Variants in NELL2 observed in about 807,000 individuals in gnomAD.
NELL2 encodes protein kinase C-binding protein NELL2.
In NELL2, 41 loss-of-function variants were observed where a neutral mutation model predicts 109.6. The ratio of observed to expected loss-of-function variants is 0.37; its 90% CI spans 0.29 to 0.49. The LOEUF (loss-of-function observed/expected upper bound fraction) is 0.49, where lower values mean the gene tolerates loss of function less well. Ranked by LOEUF, NELL2 falls within the 20% of genes least tolerant of loss-of-function variation. NELL2 has a pLI of 0.98. For missense variants in NELL2, 900 were observed against 1,008.3 expected (o/e 0.89, Z 1.45); for synonymous variants, 355 against 344.7 (o/e 1.03, Z -0.33).
At chr12:44,715,372 T>C (rs1398073512) in intron 9 of NELL2, among the ~76,000 whole-genome samples, 1 of 151,110 alleles carries the variant, frequency 6.6e-6, no homozygotes, top group Non-Finnish European at 1.5e-5. Context: ...GGGAAAAATA[T>C]GTTTTTAATC....
chr12:44,624,057 C>G (rs780792164), intron 13 of NELL2, among the ~76,000 whole-genome samples: 1 of 152,028 alleles, frequency 6.6e-6, no homozygotes, highest in African/African-American at 2.4e-5. Flanking sequence ...ATGAGTGCAG[C>G]AAACCACCAT....
At chr12:44,634,094 A>T (rs1946552219) in intron 13 of NELL2, among the ~76,000 whole-genome samples, 2 of 152,164 alleles carry the variant, frequency 1.3e-5, no homozygotes, top group South Asian at 2.1e-4. Context: ...ACATGAAATA[A>T]CCTGAAAATT....
intron 7 of NELL2, among the ~76,000 whole-genome samples, chr12:44,776,692 T>A (rs768605902): frequency 2.0e-5 from 3 of 152,216 alleles, no homozygotes; most frequent in Non-Finnish European, 4.4e-5. Flanking sequence ...ATTTCTTTGA[T>A]ACAATTCTGG....
chr12:44,682,889 C>T (rs1482442040), intron 12 of NELL2, among the ~76,000 whole-genome samples: 1 of 152,160 alleles, frequency 6.6e-6, no homozygotes, highest in Non-Finnish European at 1.5e-5. Context: ...TTAGGATTGA[C>T]ATGGCAATGC....
chr12:44,736,596 T>C (rs181031927), intron 9 of NELL2, among the ~76,000 whole-genome samples: 3 of 151,682 alleles, frequency 2.0e-5, no homozygotes, highest in Non-Finnish European at 4.4e-5. Flanking sequence ...TTTGCTAACA[T>C]GTGGCTCTGA....
intron 13 of NELL2, among the ~76,000 whole-genome samples, chr12:44,640,730 G>T (rs573889475): frequency 2.0e-5 from 3 of 151,762 alleles, no homozygotes; most frequent in Non-Finnish European, 4.4e-5. Flanking sequence ...AGGAACAAGG[G>T]GACAAATTTG....
At chr12:44,741,314 A>T (rs990583648) in intron 9 of NELL2, among the ~76,000 whole-genome samples, 3 of 152,146 alleles carry the variant, frequency 2.0e-5, no homozygotes, top group Non-Finnish European at 4.4e-5. Flanking sequence ...AATACAGTAT[A>T]TAAGGGGGAG....
intron 13 of NELL2, among the ~76,000 whole-genome samples, chr12:44,663,564 A>G (rs1474246909): frequency 6.6e-6 from 1 of 152,184 alleles, no homozygotes; most frequent in Non-Finnish European, 1.5e-5. Context: ...CTCCCTTCCC[A>G]TTCTTACAAA....
chr12:44,879,538 A>G (rs1333657420), upstream of NELL2, among the ~76,000 whole-genome samples: 1 of 152,028 alleles, frequency 6.6e-6, no homozygotes, highest in Non-Finnish European at 1.5e-5. Context: ...GCTAGAAAAA[A>G]GACATAGCAG....
chr12:44,651,776 G>T (rs1418497211), intron 13 of NELL2, among the ~76,000 whole-genome samples: 1 of 152,146 alleles, frequency 6.6e-6, no homozygotes, highest in Non-Finnish European at 1.5e-5. Context: ...GGGTCAGACA[G>T]ATAAAGCAAA....
chr12:44,900,735 C>G (rs781026783), intron 1 of NELL2, among the ~76,000 whole-genome samples: 1 of 152,002 alleles, frequency 6.6e-6, no homozygotes, highest in Admixed American at 6.6e-5. Flanking sequence ...AATTAAAAAG[C>G]TAGCAAACAC....
intron 9 of NELL2, among the ~76,000 whole-genome samples, chr12:44,716,334 A>T (rs1938485006): frequency 1.3e-5 from 2 of 152,194 alleles, no homozygotes; most frequent in South Asian, 4.1e-4. Context: ...CTCCTAGCCA[A>T]CTGATTTTGA....
intron 15 of NELL2, among the ~76,000 whole-genome samples, chr12:44,570,515 T>C (rs1430789894): frequency 6.6e-6 from 1 of 152,212 alleles, no homozygotes; most frequent in Non-Finnish European, 1.5e-5. Flanking sequence ...ATAAATTGGA[T>C]GTATGCATCA....
intron 3 of NELL2, among the ~76,000 whole-genome samples, chr12:44,811,989 C>A (rs55879818): frequency 3.3e-5 from 5 of 151,880 alleles, no homozygotes; most frequent in Admixed American, 6.6e-5. Context: ...ATCTTCCCCC[C>A]AAAAAAACCC....
rs918728017 is a variant in NELL2 at position 44,670,360 on chromosome 12, T to G, written c.1319-4751A>C. ...AGAAAGAGAAAGGAGTCAAATATTA[T>G]CACTATAAAAAAACCCCATCAAATT... On this transcript the variant is annotated intron_variant, in intron 12 of 19. Coordinates refer to ENST00000429094, the MANE Select transcript of NELL2 (RefSeq NM_001145108.2). Among the ~76,000 whole-genome samples the G allele has an allele frequency of 2.0e-5, 3 of 151,674 alleles. No homozygotes were observed. In the East Asian group the frequency reaches 5.8e-4, roughly 29 times the overall value.
intron 15 of NELL2, among the ~76,000 whole-genome samples, chr12:44,551,304 CCT>C (rs540397841): frequency 4.1e-4 from 62 of 152,100 alleles, no homozygotes; most frequent in African/African-American, 1.3e-3. Context: ...CGTTGTGTAC[CCT>C]GTTTTCTGAT....
chr12:44,788,409 C>T (rs968693437), intron 3 of NELL2, among the ~76,000 whole-genome samples: 2 of 152,160 alleles, frequency 1.3e-5, no homozygotes, highest in East Asian at 1.9e-4. Flanking sequence ...GGAAACTGAA[C>T]GTCTGTTTGA....
intron 13 of NELL2, among the ~76,000 whole-genome samples, chr12:44,632,216 T>C (rs1273088920): frequency 6.6e-6 from 1 of 152,148 alleles, no homozygotes; most frequent in Non-Finnish European, 1.5e-5. Flanking sequence ...GTTAACATGA[T>C]ACTTAATAGT....
intron 2 of NELL2, among the ~76,000 whole-genome samples, chr12:44,824,976 CTGGGATTACAGGCGTGAGCCACCG>C (rs1203030342): frequency 6.6e-6 from 1 of 152,094 alleles, no homozygotes; most frequent in Non-Finnish European, 1.5e-5. Flanking sequence ...TCCCAAAATG[CTGGGATTACAGGCGTGAGCCACCG>C]TGCCCGGCCT....
Sources: gnomAD v4.1 joint callset for allele counts (sites outside exome capture counted in the v4.1 genomes callset) on GRCh38, gnomAD v4.1.1 for gene constraint, MANE v1.5 for transcripts, NCBI Gene and HGNC (gene_info 2026-07-23, HGNC 2026-07-21) for gene names.